KCNQ3: variants seen among roughly 807,000 people sequenced by gnomAD.
KCNQ3 encodes potassium voltage-gated channel subfamily Q member 3, also known as potassium voltage-gated channel subfamily KQT member 3.
A neutral mutation model predicts 92.5 loss-of-function variants in KCNQ3; 30 were observed. That is an observed-to-expected ratio of 0.32 (90% CI 0.24 to 0.44). The LOEUF is 0.44. Ranked by LOEUF, KCNQ3 falls within the 20% of genes least tolerant of loss-of-function variation. The pLI is 1.00. For synonymous variants in KCNQ3, 450 were observed against 468.8 expected, an observed-to-expected ratio of 0.96 and a Z score of 0.52; for missense variants, 913 against 1,140.3, an observed-to-expected ratio of 0.80 and a Z score of 2.87.
chr8:132,355,436 CA>C (rs1395286527), intron 1 of KCNQ3, among the ~76,000 whole-genome samples: 2 of 151,998 alleles, frequency 1.3e-5, no homozygotes, highest in Non-Finnish European at 1.5e-5. Context: ...CAAGCTGAGC[CA>C]ATCAGAATAG....
At chr8:132,451,034 T>C (rs904027403) in intron 1 of KCNQ3, among the ~76,000 whole-genome samples, 3 of 152,216 alleles carry the variant, frequency 2.0e-5, no homozygotes, top group East Asian at 3.9e-4. Context: ...TTTGGCTCTG[T>C]GTCCCCACCC....
intron 1 of KCNQ3, among the ~76,000 whole-genome samples, chr8:132,427,676 G>A (rs1445566413): frequency 6.6e-6 from 1 of 152,178 alleles, no homozygotes; most frequent in Non-Finnish European, 1.5e-5. Context: ...GGCCTATGCT[G>A]GGGCTCTGTG....
At chr8:132,136,688 A>T (rs1825107368) in intron 12 of KCNQ3, among the ~76,000 whole-genome samples, 4 of 152,212 alleles carry the variant, frequency 2.6e-5, no homozygotes, top group Admixed American at 2.6e-4. Flanking sequence ...TCTGTGACAC[A>T]CATGACATAT....
At position 132,227,649 on chromosome 8, in the gene KCNQ3, T is replaced by C. The variant is rs11991459; in HGVS notation, c.387-41468A>G. Among the ~76,000 whole-genome samples, 654 of 152,304 alleles carry C rather than the reference T, an allele frequency of 4.3e-3. 2 individuals are homozygous for C. Among genetic ancestry groups the C allele is most frequent in the African/African-American group, 0.015 (630 of 41,566 alleles). On this transcript the variant is annotated intron_variant, in intron 1 of 14. Coordinates refer to ENST00000388996, the MANE Select transcript of KCNQ3 (RefSeq NM_004519.4). ...TCTTTGGCCCTTTGTGGAAACCTGA[T>C]TGAAGGTGACTACACTGGCGGTGCC...
At position 132,123,473 on chromosome 8, in the gene KCNQ3, A is replaced by G. The variant is rs1193103702; in HGVS notation, c.*5789T>C. ...TGGAAACATCAATCTTATTCCAGAGAAGGGAAGAAGTCCCCAAAGGTATGT... is the reference window on the plus strand; with the variant it reads ...TGGAAACATCAATCTTATTCCAGAGGAGGGAAGAAGTCCCCAAAGGTATGT... On this transcript the variant is annotated 3_prime_UTR_variant, in exon 15 of 15. Coordinates refer to ENST00000388996, the MANE Select transcript of KCNQ3 (RefSeq NM_004519.4). 6.6e-6 allele frequency: 1 copy of G among 152,242 alleles called. No homozygotes were observed. Among genetic ancestry groups the G allele is most frequent in the East Asian group, 1.9e-4 (1 of 5,196 alleles). The allele number at this position is 152,242 out of a possible 1,614,324, so 9.4% of individuals were successfully genotyped here. A position where few individuals can be genotyped will look rare whatever the true frequency, so the allele number is the denominator to read the frequency against.
intron 1 of KCNQ3, among the ~76,000 whole-genome samples, chr8:132,241,248 G>A (rs972474506): frequency 6.6e-6 from 1 of 152,116 alleles, no homozygotes; most frequent in African/African-American, 2.4e-5. Flanking sequence ...CCTTAGAAAT[G>A]TTAAATAAGT....
chr8:132,240,688 T>C (rs1640204989), intron 1 of KCNQ3, among the ~76,000 whole-genome samples: 1 of 152,234 alleles, frequency 6.6e-6, no homozygotes, highest in Admixed American at 6.5e-5. Context: ...GCAGAGATAT[T>C]TGTCACTTTT....
chr8:132,449,621 C>G (rs1354027020), intron 1 of KCNQ3, among the ~76,000 whole-genome samples: 2 of 152,186 alleles, frequency 1.3e-5, no homozygotes, highest in Non-Finnish European at 2.9e-5. Context: ...ACCATTGGCC[C>G]TGCCTGGGTC....
chr8:132,475,062 C>T (rs900460723), intron 1 of KCNQ3, among the ~76,000 whole-genome samples: 7 of 152,142 alleles, frequency 4.6e-5, no homozygotes, highest in Non-Finnish European at 5.9e-5. Context: ...TTCACTCTTG[C>T]GCTCTCTCCT....
chr8:132,166,339 C>T (rs1051704436), intron 8 of KCNQ3, among the ~76,000 whole-genome samples: 7 of 152,182 alleles, frequency 4.6e-5, no homozygotes, highest in Admixed American at 1.3e-4. Flanking sequence ...AATGCACATG[C>T]TCTGTTTATA....
chr8:132,442,910 C>A (rs1032380722), intron 1 of KCNQ3, among the ~76,000 whole-genome samples: 4 of 152,098 alleles, frequency 2.6e-5, no homozygotes, highest in African/African-American at 9.7e-5. Context: ...AACACCCAGC[C>A]CCTTCTCCCT....
intron 1 of KCNQ3, among the ~76,000 whole-genome samples, chr8:132,200,106 A>G (rs1827413813): frequency 6.6e-6 from 1 of 152,200 alleles, no homozygotes; most frequent in Non-Finnish European, 1.5e-5. Context: ...GAAATGGGGA[A>G]AGAAAATCAT....
chr8:132,303,600 T>TATATATA (rs1817301410), intron 1 of KCNQ3, among the ~76,000 whole-genome samples: 1 of 24,302 alleles, frequency 4.1e-5, no homozygotes. Context: ...TATATATATA[T>TATATATA]GGTGTGTATA....
intron 13 of KCNQ3, among the ~76,000 whole-genome samples, chr8:132,133,263 C>T (rs1409443925): frequency 6.6e-6 from 1 of 151,792 alleles, no homozygotes; most frequent in Non-Finnish European, 1.5e-5. Context: ...CAGGTGCCCA[C>T]GGTCCCATCA....
intron 1 of KCNQ3, among the ~76,000 whole-genome samples, chr8:132,361,956 AT>A (rs1297067219): frequency 6.6e-6 from 1 of 152,204 alleles, no homozygotes; most frequent in East Asian, 1.9e-4. Flanking sequence ...AGCCATTAAC[AT>A]TATATTAACA....
intron 1 of KCNQ3, among the ~76,000 whole-genome samples, chr8:132,453,762 T>C (rs1406167758): frequency 6.6e-6 from 1 of 152,152 alleles, no homozygotes; most frequent in Non-Finnish European, 1.5e-5. Context: ...TGATAAATTA[T>C]CCTAAATGGC....
intron 1 of KCNQ3, among the ~76,000 whole-genome samples, chr8:132,211,102 C>T (rs1055000625): frequency 1.3e-5 from 2 of 152,230 alleles, no homozygotes; most frequent in Non-Finnish European, 2.9e-5. Flanking sequence ...CTACTGGGCC[C>T]TCACTGAAAT....
At chr8:132,202,091 A>G (rs924456153) in intron 1 of KCNQ3, among the ~76,000 whole-genome samples, 2 of 152,032 alleles carry the variant, frequency 1.3e-5, no homozygotes, top group South Asian at 2.1e-4. Context: ...TGTTGACCCA[A>G]TTGGGTCATG....
chr8:132,280,408 G>A (rs1413314253), intron 1 of KCNQ3, among the ~76,000 whole-genome samples: 1 of 152,178 alleles, frequency 6.6e-6, no homozygotes. Context: ...GAAGCAGCAG[G>A]AGCAGGCATC....
Sources: gnomAD v4.1 joint callset for allele counts (sites outside exome capture counted in the v4.1 genomes callset) on GRCh38, gnomAD v4.1.1 for gene constraint, MANE v1.5 for transcripts, NCBI Gene and HGNC (gene_info 2026-07-23, HGNC 2026-07-21) for gene names.